The following FRMPD2 variants were observed in gnomAD, a reference collection of about 807,000 sequenced individuals.
The protein encoded by FRMPD2 is FERM and PDZ domain-containing protein 2.
A neutral mutation model predicts 140.1 loss-of-function variants in FRMPD2; 96 were observed. The ratio of observed to expected loss-of-function variants is 0.69; its 90% CI spans 0.58 to 0.81. FRMPD2 has a LOEUF of 0.81. Among genes scored for constraint, FRMPD2 ranks in the 40% least tolerant of loss-of-function variants. The pLI is 0.00. For synonymous variants in FRMPD2, 449 were observed against 547.6 expected, an observed-to-expected ratio of 0.82 and a Z score of 2.52; for missense variants, 1,240 against 1,447.4, an observed-to-expected ratio of 0.86 and a Z score of 2.32.
In FRMPD2 at chr10:48,185,623, C is replaced by T. The variant is rs1310986816; in HGVS notation, c.2289G>A (p.Lys763=). ...CTCGGCCCGGTTCAGCTATAAAGCT[C>T]TTCCTCCTATTATTCTTTGAGCCTA... The part of the protein sequence containing the change: ...MHAGSKNNRR[K]SFIAEPGREI... The change falls in exon 18 of 29, where the codon AAG becomes AAA. Residue 763 remains lysine, a synonymous_variant. Coordinates refer to ENST00000374201, the MANE Select transcript of FRMPD2 (RefSeq NM_001018071.4). The T allele has an allele frequency of 6.2e-7, 1 of 1,613,984 alleles. No individual in the cohort carries two copies. The highest frequency in any genetic ancestry group is 8.5e-7 in the Non-Finnish European group (1 of 1,179,808).
At position 48,223,218 on chromosome 10, in the gene FRMPD2, A is replaced by G. The variant is rs753412729; in HGVS notation, c.1221T>C (p.Pro407=). The G allele has an allele frequency of 1.2e-6, 2 of 1,613,994 alleles. No homozygotes were observed. Among genetic ancestry groups the G allele is most frequent in the South Asian group, 1.1e-5 (1 of 91,074 alleles). Residue 407 remains proline (P), a synonymous_variant, in exon 11 of 29, where the codon CCT becomes CCC. Transcript: ENST00000374201. ...TCTGAGGCTGCTCTCTCCAGCCTTC[A>G]GGAGCTATTTTGCACAATCTGGTTT... ...DSETRLCKIA[P]EGWREQPQKT... is the part of the protein sequence containing the mutation.
intron 12 of FRMPD2, among the ~76,000 whole-genome samples, chr10:48,220,687 C>T (rs943462671): frequency 2.6e-5 from 4 of 152,194 alleles, no homozygotes; most frequent in Non-Finnish European, 4.4e-5. Context: ...GCAATCTATA[C>T]ATCCAACAAA....
intron 14 of FRMPD2, 55 bp downstream of exon 14, chr10:48,206,693 C>A (rs1839206258): frequency 6.7e-7 from 1 of 1,490,412 alleles, no homozygotes; most frequent in African/African-American, 1.4e-5. Context: ...TTTAAACGGC[C>A]AACAAATCAA....
At chr10:48,257,645 T>C (rs1840514326) in intron 1 of FRMPD2, among the ~76,000 whole-genome samples, 1 of 152,132 alleles carries the variant, frequency 6.6e-6, no homozygotes, top group African/African-American at 2.4e-5. Flanking sequence ...CTTTCAGCAT[T>C]CTCTACCTGT....
intron 24 of FRMPD2, 56 bp downstream of exon 24, chr10:48,174,814 T>C (rs782629343): frequency 6.8e-6 from 5 of 734,564 alleles, no homozygotes; most frequent in Admixed American, 4.2e-5. Flanking sequence ...CAGCTTCTGA[T>C]GTTGTTCAGG....
intron 12 of FRMPD2, among the ~76,000 whole-genome samples, chr10:48,215,019 T>A (rs1588834376): frequency 1.3e-5 from 2 of 152,388 alleles, no homozygotes; most frequent in African/African-American, 4.8e-5. Context: ...AAAGTTATTC[T>A]GCTGTGATGA....
chr10:48,242,131 A>G (rs748746149), intron 5 of FRMPD2, 30 bp downstream of exon 5: 56 of 1,492,140 alleles, frequency 3.8e-5, no homozygotes, highest in Non-Finnish European at 5.0e-5. Flanking sequence ...ACCAGCAGCT[A>G]CTGCTTGAAA....
intron 12 of FRMPD2, among the ~76,000 whole-genome samples, chr10:48,217,397 C>T (rs1839475288): frequency 1.3e-5 from 2 of 152,290 alleles, no homozygotes; most frequent in Middle Eastern, 6.8e-3. Context: ...AGGGAATACA[C>T]AGGGACTTTG....
At chr10:48,244,048 C>T (rs568836752) in intron 4 of FRMPD2, among the ~76,000 whole-genome samples, 1 of 152,364 alleles carries the variant, frequency 6.6e-6, no homozygotes, top group South Asian at 2.1e-4. Flanking sequence ...TTGATCTCCA[C>T]TCACTTCAAC....
chr10:48,221,142 A>C (rs1373442558), intron 12 of FRMPD2, among the ~76,000 whole-genome samples: 1 of 152,234 alleles, frequency 6.6e-6, no homozygotes, highest in Non-Finnish European at 1.5e-5. Flanking sequence ...TTGCACACGC[A>C]TGTTTATAGC....
At chr10:48,241,181 G>A (rs1159433603) in intron 5 of FRMPD2, among the ~76,000 whole-genome samples, 1 of 152,128 alleles carries the variant, frequency 6.6e-6, no homozygotes, top group Non-Finnish European at 1.5e-5. Context: ...GTCCAAGAAG[G>A]AGGCCTTCTC....
At chr10:48,189,180 A>T (rs1838769529) in intron 16 of FRMPD2, among the ~76,000 whole-genome samples, 1 of 152,228 alleles carries the variant, frequency 6.6e-6, no homozygotes, top group South Asian at 2.1e-4. Context: ...AGAGCCAAGG[A>T]TATACCAGGC....
At position 48,157,231 on chromosome 10, in the gene FRMPD2, A is replaced by T; in HGVS notation, c.*91T>A. On this transcript the variant is annotated 3_prime_UTR_variant, in exon 29 of 29. Transcript: ENST00000374201. Reference sequence around the variant, plus strand: ...GAACAAGACTTCCAGGGGCTGCCCCAAGTTCGCCACACACGCCTCTTGATT... The same window carrying T: ...GAACAAGACTTCCAGGGGCTGCCCCTAGTTCGCCACACACGCCTCTTGATT... The T allele has an allele frequency of 1.5e-6, 1 of 658,452 alleles. No homozygotes were observed. Among genetic ancestry groups the T allele is most frequent in the Non-Finnish European group, 2.8e-6 (1 of 357,472 alleles). The allele number at this position is 658,452 out of a possible 1,614,324, so 40.8% of individuals were successfully genotyped here.
At chr10:48,238,841 C>G (rs975520515) in intron 7 of FRMPD2, among the ~76,000 whole-genome samples, 1 of 152,248 alleles carries the variant, frequency 6.6e-6, no homozygotes, top group Non-Finnish European at 1.5e-5. Flanking sequence ...GACTTTGCAG[C>G]CTCCTGCCAT....
chr10:48,225,780 C>T lies in FRMPD2; in HGVS notation c.1169-2510G>A, dbSNP rs956459897. On this transcript the variant is annotated intron_variant, in intron 10 of 28. Transcript: ENST00000374201. ...AGCGACCGCAGAACACGTGCAGTGC[C>T]CACTGGAGCCCATTGTGCTCTCTGC... 2.2e-4 allele frequency among the ~76,000 whole-genome samples: 34 copies of T among 152,310 alleles called. 1 individual carries two copies. The highest frequency in any genetic ancestry group is 3.4e-3 in the Middle Eastern group (1 of 294).
chr10:48,236,769 A>T (rs182444520), intron 8 of FRMPD2, among the ~76,000 whole-genome samples: 1 of 152,318 alleles, frequency 6.6e-6, no homozygotes, highest in East Asian at 1.9e-4. Flanking sequence ...TATCAGCAAC[A>T]TTCTGGCTCT....
intron 6 of FRMPD2, 62 bp downstream of exon 6, chr10:48,240,298 G>C: frequency 6.4e-7 from 1 of 1,566,616 alleles, no homozygotes; most frequent in Non-Finnish European, 8.7e-7. Context: ...CCCATACAGG[G>C]CAGGAAAAAA....
chr10:48,249,129 A>C lies in FRMPD2; in HGVS notation c.201T>G (p.Ala67=). 1.2e-6 allele frequency: 2 copies of C among 1,614,152 alleles called. No individual in the cohort carries two copies. The highest frequency in any genetic ancestry group is 1.7e-6 in the Non-Finnish European group (2 of 1,180,004). ...VCPWSALLSA[A]GSLSFQGRVS... ...CACGGCCTTGGAAAGAAAGGCTTCCAGCTGCAGAAAGCAGGGCTGACCAGG... is the reference window on the plus strand; with the variant it reads ...CACGGCCTTGGAAAGAAAGGCTTCCCGCTGCAGAAAGCAGGGCTGACCAGG... The change falls in exon 3 of 29, where the codon GCT becomes GCG. Residue 67 remains alanine, a synonymous_variant. Transcript: ENST00000374201.
chr10:48,240,857 C>T (rs1411187522), intron 5 of FRMPD2, among the ~76,000 whole-genome samples: 1 of 152,240 alleles, frequency 6.6e-6, no homozygotes, highest in Non-Finnish European at 1.5e-5. Context: ...TATCACTGCA[C>T]TCACACCTGG....
Sources: allele counts gnomAD v4.1 joint callset (sites outside exome capture counted in the v4.1 genomes callset), GRCh38; gene constraint gnomAD v4.1.1; transcripts MANE v1.5; gene names NCBI Gene and HGNC (gene_info 2026-07-23, HGNC 2026-07-21).